The following ABCB4 variants were observed in gnomAD, a reference collection of about 807,000 sequenced individuals.
ABCB4 encodes the protein ATP binding cassette subfamily B member 4.
In ABCB4, 76 loss-of-function variants were observed where a neutral mutation model predicts 145.7. The ratio of observed to expected loss-of-function variants is 0.52; its 90% confidence interval spans 0.43 to 0.63. The LOEUF (loss-of-function observed/expected upper bound fraction) is 0.63, where lower values mean the gene tolerates loss of function less well. Among genes scored for constraint, ABCB4 ranks in the 30% least tolerant of loss-of-function variants. The pLI, the probability that ABCB4 is intolerant of heterozygous loss-of-function variation, is 0.00. For synonymous variants in ABCB4, 517 were observed against 566.8 expected (o/e 0.91, Z 1.25); for missense variants, 1,234 against 1,553.1 (o/e 0.79, Z 3.45).
Position 87,431,582 on chromosome 7 carries a change from G to A in ABCB4, c.1732-17C>T, listed in dbSNP as rs1156801560. 1.9e-6 allele frequency: 3 copies of A among 1,614,002 alleles called. 1 individual carries two copies. The South Asian group carries it at 3.3e-5, about 18-fold the overall frequency. ...TTCTCTGGCCTAAAAGAACAAAAAT[G>A]TGGTGCATCAGGGTTACAGTATTGG... On this transcript the variant is annotated splice_polypyrimidine_tract_variant and intron_variant, in intron 14 of 27. Transcript: ENST00000649586.
chr7:87,468,792 G>A (rs545611977), intron 3 of ABCB4, among the ~76,000 whole-genome samples: 13 of 151,996 alleles, frequency 8.6e-5, no homozygotes, highest in Admixed American at 4.6e-4. Flanking sequence ...CTAGCCAGGC[G>A]TGGTGGTGGG....
intron 3 of ABCB4, among the ~76,000 whole-genome samples, chr7:87,470,877 CA>C (rs773826566): frequency 6.6e-6 from 1 of 152,056 alleles, no homozygotes; most frequent in Non-Finnish European, 1.5e-5. Flanking sequence ...GGTATATACC[CA>C]AAGGAATATA....
chr7:87,388,336 G>GA, the ABCB4 span, among the ~76,000 whole-genome samples: 1 of 151,850 alleles, frequency 6.6e-6, no homozygotes, highest in African/African-American at 2.4e-5. Flanking sequence ...TAAGCAAAAA[G>GA]AAAAAAACTG....
chr7:87,417,291 T>C (rs748258769), intron 21 of ABCB4, 21 bp downstream of exon 21: 21 of 1,611,336 alleles, frequency 1.3e-5, no homozygotes, highest in Admixed American at 1.7e-5. Flanking sequence ...TTAACACCAA[T>C]TGAAATCTTA....
intron 7 of ABCB4, 27 bp from the exon 8 acceptor site, chr7:87,450,119 T>C: frequency 6.2e-7 from 1 of 1,613,382 alleles, no homozygotes; most frequent in Non-Finnish European, 8.5e-7. Context: ...CAGTGATCAC[T>C]TTTGTATAGG....
chr7:87,389,196 AT>A, the ABCB4 span, among the ~76,000 whole-genome samples: 2 of 152,226 alleles, frequency 1.3e-5, no homozygotes, highest in Non-Finnish European at 2.9e-5. Flanking sequence ...TAGTTCAACC[AT>A]TGCAGAAGAC....
At chr7:87,430,982 G>A (rs184925480) in intron 15 of ABCB4, among the ~76,000 whole-genome samples, 156 of 152,282 alleles carry the variant, frequency 1.0e-3, no homozygotes, top group African/African-American at 3.7e-3. Flanking sequence ...CTACAGCAGT[G>A]CTCTGGAAAA....
chr7:87,472,647 C>G lies in ABCB4; in HGVS notation c.109G>C (p.Val37Leu). The G allele has an allele frequency of 6.2e-7, 1 of 1,609,356 alleles. No homozygotes were observed. Among genetic ancestry groups the G allele is most frequent in the Non-Finnish European group, 8.5e-7 (1 of 1,175,852 alleles). ...SKQKRKKTKT[V>L]KMIGVLTLFR... is the part of the protein sequence containing the mutation. ...AATGTTAATACTCCAATCATTTTCACTGTCTTCGTTTTTTTCCTTTTTTGT... is the reference window on the plus strand; with the variant it reads ...AATGTTAATACTCCAATCATTTTCAGTGTCTTCGTTTTTTTCCTTTTTTGT... The change falls in exon 3 of 28, where the codon GTG becomes CTG. Residue 37 changes from valine (V) to leucine (L), a missense_variant. Val to Leu is a conservative substitution (Grantham distance 32). Around this residue, in one of 7 missense-constraint regions of ABCB4, gnomAD observed 77 missense variants for 73.3 expected, o/e 1.05. Transcript: ENST00000649586.
intron 4 of ABCB4, among the ~76,000 whole-genome samples, chr7:87,457,232 A>G (rs1198476320): frequency 4.6e-5 from 7 of 152,088 alleles, no homozygotes; most frequent in African/African-American, 1.7e-4. Context: ...CAGCCTGGGC[A>G]ACGTGGTGAA....
intron 14 of ABCB4, among the ~76,000 whole-genome samples, chr7:87,438,902 G>T (rs1002670914): frequency 1.2e-4 from 18 of 152,166 alleles, no homozygotes; most frequent in African/African-American, 3.9e-4. Context: ...CTCTTAAATT[G>T]TAAGAGGTGG....
At chr7:87,434,032 G>A (rs531148535) in intron 14 of ABCB4, among the ~76,000 whole-genome samples, 29 of 150,798 alleles carry the variant, frequency 1.9e-4, no homozygotes, top group Non-Finnish European at 2.4e-4. Flanking sequence ...GGGATCAAGC[G>A]ATTACCCTGC....
intron 2 of ABCB4, among the ~76,000 whole-genome samples, chr7:87,473,312 T>A (rs1813568560): frequency 6.6e-6 from 1 of 152,202 alleles, no homozygotes; most frequent in African/African-American, 2.4e-5. Context: ...TCCTACACGA[T>A]CTGTTTGCTT....
At chr7:87,462,159 A>T (rs958699962) in intron 4 of ABCB4, among the ~76,000 whole-genome samples, 1 of 152,190 alleles carries the variant, frequency 6.6e-6, no homozygotes, top group East Asian at 1.9e-4. Context: ...TCGTATTGAT[A>T]ACATTAACTT....
At chr7:87,474,912 A>T (rs567461415) in intron 2 of ABCB4, among the ~76,000 whole-genome samples, 1 of 152,280 alleles carries the variant, frequency 6.6e-6, no homozygotes, top group South Asian at 2.1e-4. Flanking sequence ...GGGGAGGGGT[A>T]AGACAAGGAG....
intron 3 of ABCB4, among the ~76,000 whole-genome samples, chr7:87,466,376 C>A (rs943853274): frequency 6.6e-6 from 1 of 152,130 alleles, no homozygotes; most frequent in Admixed American, 6.5e-5. Context: ...ACAAGCAAAG[C>A]CTCCAAGAAA....
At chr7:87,382,450 C>G in the ABCB4 span, 1 of 1,613,794 alleles carries the variant, frequency 6.2e-7, no homozygotes, top group Admixed American at 1.7e-5. Context: ...GCCTTTACAT[C>G]TTTTGGCAAA....
chr7:87,454,688 A>G (rs1811995192), intron 4 of ABCB4, 96 bp from the exon 5 acceptor site: 1 of 896,528 alleles, frequency 1.1e-6, no homozygotes, highest in African/African-American at 1.7e-5. Context: ...AAATGTATGA[A>G]AGCTAGAAGA....
At chr7:87,418,804 T>C (rs1420475704) in intron 19 of ABCB4, among the ~76,000 whole-genome samples, 184 bp from the exon 20 acceptor site, 2 of 152,130 alleles carry the variant, frequency 1.3e-5, no homozygotes, top group African/African-American at 4.8e-5. Context: ...TCCTGACTGC[T>C]CTGTGGTAGC....
At chr7:87,453,178 CT>C in intron 5 of ABCB4, 43 bp from the exon 6 acceptor site, 1 of 1,575,202 alleles carries the variant, frequency 6.3e-7, no homozygotes, top group East Asian at 2.2e-5. Context: ...CTTCTCTTTT[CT>C]TTTTTCTTTT....
Sources: gnomAD v4.1 joint callset for allele counts (sites outside exome capture counted in the v4.1 genomes callset) on GRCh38, gnomAD v4.1.1 for gene constraint, gnomAD v4.1.1 regional missense constraint, MANE v1.5 for transcripts, NCBI Gene and HGNC (gene_info 2026-07-23, HGNC 2026-07-21) for gene names.